The following USP3 variants were observed in gnomAD, a reference collection of about 807,000 sequenced individuals.
USP3 encodes the protein ubiquitin carboxyl-terminal hydrolase 3.
In USP3, 20 loss-of-function variants were observed where a neutral mutation model predicts 72.3. The observed-to-expected ratio is 0.28, with a 90% CI of 0.19 to 0.40. The LOEUF is 0.40. USP3 is among the 10% of genes least tolerant of loss of function. The pLI, the probability that USP3 is intolerant of heterozygous loss-of-function variation, is 1.00. For missense variants in USP3, 479 were observed against 633.9 expected (o/e 0.76, Z 2.62); for synonymous variants, 222 against 225.3 (o/e 0.99, Z 0.13).
intron 1 of USP3, among the ~76,000 whole-genome samples, chr15:63,507,994 T>C (rs1567086951): frequency 6.6e-6 from 1 of 152,210 alleles, no homozygotes. Flanking sequence ...TTTTTGTAAC[T>C]CTTTGTTCAG....
At chr15:63,526,671 C>T (rs1246247244) in intron 1 of USP3, among the ~76,000 whole-genome samples, 7 of 152,152 alleles carry the variant, frequency 4.6e-5, no homozygotes, top group Admixed American at 2.6e-4. Context: ...ACCCTTGTTG[C>T]AGTGAGTTGC....
At chr15:63,584,683 A>G (rs1462118321) in intron 11 of USP3, among the ~76,000 whole-genome samples, 1 of 152,148 alleles carries the variant, frequency 6.6e-6, no homozygotes, top group Non-Finnish European at 1.5e-5. Flanking sequence ...TCCCTTATCC[A>G]GATACATAAT....
chr15:63,565,863 AAG>A (rs2066681756), intron 8 of USP3, among the ~76,000 whole-genome samples: 1 of 152,216 alleles, frequency 6.6e-6, no homozygotes, highest in Admixed American at 6.5e-5. Flanking sequence ...GCAGGTATCT[AAG>A]AGAGAAAGTG....
chr15:63,521,731 T>A (rs1382122178), intron 1 of USP3, among the ~76,000 whole-genome samples: 1 of 152,200 alleles, frequency 6.6e-6, no homozygotes, highest in Non-Finnish European at 1.5e-5. Flanking sequence ...CCATTTAATT[T>A]AATTCACAAG....
chr15:63,544,645 G>C lies in USP3; in HGVS notation c.284+7489G>C, dbSNP rs796545145. On this transcript the variant is annotated intron_variant, in intron 3 of 14. Coordinates refer to ENST00000380324, the MANE Select transcript of USP3 (RefSeq NM_006537.4). This position sits in a 1 kb window ranked among gnomAD's most constrained non-coding sequence, Gnocchi z 4.2. ...TTTTCATTTTTGGAGAATGGGGGAA[G>C]AATGTAAAGATGGAGATGACCGAAT... 1.1e-4 allele frequency: 77 copies of C among 698,820 alleles called. No individual in the cohort carries two copies. In the African/African-American group the frequency reaches 1.2e-3, roughly 11 times the overall value. 43.3% of individuals were successfully genotyped at this position (698,820 alleles called of 1,614,324 possible). A position where few individuals can be genotyped will look rare whatever the true frequency, so the allele number is the denominator to read the frequency against.
Position 63,574,638 on chromosome 15 carries a change from T to TA in USP3, c.1096+236dup, listed in dbSNP as rs1241821965. ...TTTCTCACCTTTTTCTTCTTTGAAA[T>TA]ACTGACTTTAAAATAGAAGGTCTGT... On this transcript the variant is annotated intron_variant, in intron 11 of 14. Coordinates refer to ENST00000380324, the MANE Select transcript of USP3 (RefSeq NM_006537.4). This position sits in a 1 kb window ranked among gnomAD's most constrained non-coding sequence, Gnocchi z 4.6. Among the ~76,000 whole-genome samples the TA allele has an allele frequency of 2.0e-5, 3 of 152,220 alleles. No homozygotes were observed. Among genetic ancestry groups the TA allele is most frequent in the African/African-American group, 7.2e-5 (3 of 41,452 alleles).
At chr15:63,586,367 A>G (rs149602832) in intron 11 of USP3, among the ~76,000 whole-genome samples, 31 of 152,248 alleles carry the variant, frequency 2.0e-4, no homozygotes, top group Middle Eastern at 3.4e-3. Flanking sequence ...TGAGTGTTCA[A>G]ATGATGATTT....
chr15:63,536,922 G>A, intron 2 of USP3, 103 bp from the exon 3 acceptor site: 1 of 1,251,834 alleles, frequency 8.0e-7, no homozygotes, highest in Non-Finnish European at 1.1e-6. Flanking sequence ...TGCTGTTATA[G>A]GATTTCTTTA....
Position 63,547,866 on chromosome 15 carries a change from TAGAGAGAGAG to T in USP3, c.285-5828_285-5819del, listed in dbSNP as rs112905081. 8.2e-3 allele frequency among the ~76,000 whole-genome samples: 171 copies of T among 20,888 alleles called. 5 individuals carry two copies. The East Asian group carries it at 0.084, about 10-fold the overall frequency. The allele number at this position is 20,888 out of a possible 152,430, so 13.7% of individuals were successfully genotyped here. On this transcript the variant is annotated intron_variant, in intron 3 of 14. Transcript: ENST00000380324. ...GGAGGGAGAGAGAGAGAGAGAGGCA[TAGAGAGAGAG>T]AGAGAGAGAGAGAGAGAGAGGCATA... is the stretch of plus-strand genomic sequence containing the variant.
chr15:63,556,879 C>T, intron 5 of USP3, 131 bp downstream of exon 5: 2 of 724,512 alleles, frequency 2.8e-6, no homozygotes, highest in Non-Finnish European at 4.5e-6. Context: ...GAGTATTTTA[C>T]ACAATGTTTG....
intron 1 of USP3, among the ~76,000 whole-genome samples, chr15:63,525,792 A>G (rs554818993): frequency 9.3e-4 from 142 of 152,294 alleles, no homozygotes; most frequent in Non-Finnish European, 1.4e-3. Context: ...TTTTACTTAT[A>G]TGTACTGGAA....
At chr15:63,561,210 G>A (rs1257878089) in intron 7 of USP3, among the ~76,000 whole-genome samples, 1 of 152,158 alleles carries the variant, frequency 6.6e-6, no homozygotes, top group Non-Finnish European at 1.5e-5. Context: ...CAGTGAAACA[G>A]TAGAAAAAAT....
In USP3 at chr15:63,590,795, A is replaced by G. The variant is rs1327487448; in HGVS notation, c.1532A>G (p.His511Arg). The G allele has an allele frequency of 2.5e-6, 4 of 1,614,010 alleles. No homozygotes were observed. In the Admixed American group the frequency reaches 5.0e-5, roughly 20 times the overall value. ...GCCTACATCCTTTTCTACGTGGAACACCAGGCCAAAGCTGGATCGGATAAA... is the reference window on the plus strand; with the variant it reads ...GCCTACATCCTTTTCTACGTGGAACGCCAGGCCAAAGCTGGATCGGATAAA... ...AKAYILFYVE[H>R]QAKAGSDKL The change falls in exon 15 of 15, where the codon CAC (histidine) becomes CGC (arginine). Residue 511 changes from histidine (H) to arginine (R), a missense_variant. Transcript: ENST00000380324.
chr15:63,580,188 T>C (rs778041968), intron 11 of USP3, among the ~76,000 whole-genome samples: 2 of 152,112 alleles, frequency 1.3e-5, no homozygotes, highest in African/African-American at 2.4e-5. Flanking sequence ...CTACAAAATA[T>C]TGTGTAGTAA....
intron 1 of USP3, among the ~76,000 whole-genome samples, chr15:63,532,173 GA>G (rs2066085996): frequency 6.6e-6 from 1 of 152,118 alleles, no homozygotes; most frequent in African/African-American, 2.4e-5. Flanking sequence ...ATTACTTTGG[GA>G]AAACTAGGCT....
At chr15:63,538,781 C>T (rs2066198737) in intron 3 of USP3, among the ~76,000 whole-genome samples, 1 of 151,976 alleles carries the variant, frequency 6.6e-6, no homozygotes, top group Non-Finnish European at 1.5e-5. Context: ...CTCTTGACCT[C>T]ATGACCCGCC....
intron 3 of USP3, among the ~76,000 whole-genome samples, chr15:63,538,385 G>T (rs1453153396): frequency 1.3e-5 from 2 of 152,066 alleles, no homozygotes; most frequent in Non-Finnish European, 2.9e-5. Context: ...AGGCATTACT[G>T]GGTAGAGATG....
At chr15:63,566,110 C>G (rs1187366483) in intron 8 of USP3, among the ~76,000 whole-genome samples, 4 of 152,104 alleles carry the variant, frequency 2.6e-5, no homozygotes, top group Admixed American at 2.6e-4. Context: ...TCTGTACAAC[C>G]TGATTTAATA....
Position 63,507,668 on chromosome 15 carries a change from G to C in USP3, c.91+2838G>C, listed in dbSNP as rs527283619. ...AGAAGTAAGAAGTAATTATACTTCA[G>C]AATTAGCATGAGCTTCTTATCCATG... On this transcript the variant is annotated intron_variant, in intron 1 of 14. Transcript: ENST00000380324. Among the ~76,000 whole-genome samples, 72 of 152,302 alleles carry C rather than the reference G, an allele frequency of 4.7e-4. No homozygotes were observed. In the Middle Eastern group the frequency reaches 0.01, roughly 22 times the overall value.
Sources: gnomAD v4.1 joint callset for allele counts (sites outside exome capture counted in the v4.1 genomes callset) on GRCh38, gnomAD v4.1.1 for gene constraint, Gnocchi (gnomAD v3.1) non-coding constraint, MANE v1.5 for transcripts, NCBI Gene and HGNC (gene_info 2026-07-23, HGNC 2026-07-21) for gene names.